The following TMEM131 variants were observed in gnomAD, a reference collection of about 807,000 sequenced individuals.
TMEM131 encodes the protein 2610524E03Rik.
TMEM131 carries 66 observed loss-of-function variants against 211.6 expected under a neutral mutation model. That is an observed-to-expected ratio of 0.31 (90% CI 0.26 to 0.38). TMEM131 has a LOEUF of 0.38. Among genes scored for constraint, TMEM131 ranks in the 10% least tolerant of loss-of-function variants. The pLI is 1.00. For missense variants in TMEM131, 2,036 were observed against 2,299.3 expected (o/e 0.89, Z 2.34); for synonymous variants, 844 against 841.3 (o/e 1.00, Z -0.06).
chr2:97,983,632 G>T (rs1414807517), intron 1 of TMEM131, among the ~76,000 whole-genome samples: 1 of 152,132 alleles, frequency 6.6e-6, no homozygotes, highest in African/African-American at 2.4e-5. Context: ...CCTCCTCCTT[G>T]CTCTTTACCC....
At chr2:97,945,134 A>T (rs1677972628) in intron 1 of TMEM131, among the ~76,000 whole-genome samples, 1 of 152,202 alleles carries the variant, frequency 6.6e-6, no homozygotes, top group Non-Finnish European at 1.5e-5. Context: ...TTTCAGCCAC[A>T]ACAAAAAGGA....
Position 97,771,905 on chromosome 2 carries a change from G to A in TMEM131, c.4448+392C>T, listed in dbSNP as rs543561541. ...GCATGGAACTCTAGATCCCAACTGGGTTAACAATTCGACAGACTCAGAGAT... is the reference window on the plus strand; with the variant it reads ...GCATGGAACTCTAGATCCCAACTGGATTAACAATTCGACAGACTCAGAGAT... On this transcript the variant is annotated intron_variant, in intron 33 of 40. Coordinates refer to ENST00000186436, the MANE Select transcript of TMEM131 (RefSeq NM_015348.2). Among the ~76,000 whole-genome samples the A allele has an allele frequency of 3.9e-5, 6 of 152,324 alleles. No homozygotes were observed. The South Asian group carries it at 1.2e-3, about 32-fold the overall frequency.
At chr2:97,895,360 G>A (rs1055714669) in intron 3 of TMEM131, among the ~76,000 whole-genome samples, 3 of 151,996 alleles carry the variant, frequency 2.0e-5, no homozygotes, top group Admixed American at 6.6e-5. Context: ...GCCAGGTTTT[G>A]GATCAGACGA....
chr2:97,906,336 T>A (rs1391798813), intron 3 of TMEM131, among the ~76,000 whole-genome samples: 2 of 152,218 alleles, frequency 1.3e-5, no homozygotes, highest in African/African-American at 4.8e-5. Flanking sequence ...TTGAATTAAA[T>A]ATTTACCCAA....
intron 18 of TMEM131, among the ~76,000 whole-genome samples, chr2:97,810,252 C>G (rs573575174): frequency 6.6e-6 from 1 of 152,132 alleles, no homozygotes; most frequent in South Asian, 2.1e-4. Context: ...GAGTTAGAAT[C>G]CCATCCCATA....
chr2:97,941,009 T>A (rs1018339622), intron 1 of TMEM131, among the ~76,000 whole-genome samples: 2 of 152,156 alleles, frequency 1.3e-5, no homozygotes, highest in African/African-American at 4.8e-5. Flanking sequence ...AGAACCCACA[T>A]TGCCAAGACA....
At chr2:97,809,867 T>G in intron 18 of TMEM131, 93 bp from the exon 19 acceptor site, 2 of 946,798 alleles carry the variant, frequency 2.1e-6, no homozygotes, top group Non-Finnish European at 3.3e-6. Context: ...AACCTAATTT[T>G]GGGACTAATA....
chr2:97,981,102 A>ATACACTCTT (rs1679778066), intron 1 of TMEM131, among the ~76,000 whole-genome samples: 1 of 149,862 alleles, frequency 6.7e-6, no homozygotes, highest in Admixed American at 6.7e-5. Flanking sequence ...ATCCACACAC[A>ATACACTCTT]TACACTCTTT....
intron 1 of TMEM131, among the ~76,000 whole-genome samples, chr2:97,971,861 T>C (rs922588550): frequency 6.6e-6 from 1 of 151,736 alleles, no homozygotes; most frequent in Non-Finnish European, 1.5e-5. Context: ...GACCCTGTCT[T>C]AAAAAAATAA....
chr2:97,769,859 G>A (rs1341216695), intron 33 of TMEM131, among the ~76,000 whole-genome samples: 3 of 152,118 alleles, frequency 2.0e-5, no homozygotes, highest in Non-Finnish European at 2.9e-5. Flanking sequence ...TGCCACAGCT[G>A]GAAAACACGG....
intron 2 of TMEM131, among the ~76,000 whole-genome samples, chr2:97,917,933 T>C (rs1023853843): frequency 6.6e-6 from 1 of 151,718 alleles, no homozygotes; most frequent in African/African-American, 2.4e-5. Context: ...ATCACATGAT[T>C]GGTTTTTTTC....
At chr2:97,893,832 G>A (rs998522400) in intron 3 of TMEM131, among the ~76,000 whole-genome samples, 33 of 152,036 alleles carry the variant, frequency 2.2e-4, no homozygotes, top group African/African-American at 7.7e-4. Context: ...TAGGCTGCCT[G>A]TTCACTCTGA....
At chr2:97,995,372 CGCCGGAGCCCCG>C in intron 1 of TMEM131, 92 bp downstream of exon 1, 1 of 1,179,178 alleles carries the variant, frequency 8.5e-7, no homozygotes, top group Non-Finnish European at 1.1e-6. Context: ...CCCAACTTTG[CGCCGGAGCCCCG>C]GCCGCGGCCC....
At chr2:97,800,237 T>A (rs918876555) in intron 25 of TMEM131, among the ~76,000 whole-genome samples, 1 of 152,130 alleles carries the variant, frequency 6.6e-6, no homozygotes, top group Non-Finnish European at 1.5e-5. Context: ...ACTGTAGAGA[T>A]GCCTGAGATA....
chr2:97,792,976 GTGTTC>G lies in TMEM131; in HGVS notation c.3549_3553del (p.Leu1183PhefsTer5). ...ACTGTGACCGGGGTCACAGCTGAGT[GTGTTC>G]AAGCTGAAAAAGGGACCAACTGCAG... On this transcript the variant is annotated frameshift_variant, in exon 31 of 41. Coordinates refer to ENST00000186436, the MANE Select transcript of TMEM131 (RefSeq NM_015348.2). LOFTEE classifies it high-confidence loss of function. 1 of 1,561,102 alleles carries G rather than the reference GTGTTC, an allele frequency of 6.4e-7. No individual in the cohort carries two copies. The highest frequency in any genetic ancestry group is 1.9e-5 in the Admixed American group (1 of 52,214).
chr2:97,859,179 A>G, intron 5 of TMEM131, 125 bp downstream of exon 5: 1 of 1,071,358 alleles, frequency 9.3e-7, no homozygotes, highest in Non-Finnish European at 1.3e-6. Context: ...AGGAAGTGAA[A>G]CAAATCTAGG....
chr2:97,888,976 G>T (rs1285823546), intron 3 of TMEM131, among the ~76,000 whole-genome samples: 2 of 152,132 alleles, frequency 1.3e-5, no homozygotes, highest in Admixed American at 6.5e-5. Flanking sequence ...CGTAAGCTTT[G>T]AAATGATATA....
At position 97,860,944 on chromosome 2, in the gene TMEM131, G is replaced by A. The variant is rs764713580; in HGVS notation, c.360-1517C>T. ...CTTTCCCACCTACCCCACTCCACCC[G>A]GCAGCAGCCAAGTGGCACAGAGAGA... On this transcript the variant is annotated intron_variant, in intron 4 of 40. Coordinates refer to ENST00000186436, the MANE Select transcript of TMEM131 (RefSeq NM_015348.2). Among the ~76,000 whole-genome samples, 7 of 152,108 alleles carry A rather than the reference G, an allele frequency of 4.6e-5. 1 individual carries two copies. The highest frequency in any genetic ancestry group is 2.0e-4 in the Admixed American group (3 of 15,272).
At chr2:97,971,118 A>G (rs1489679642) in intron 1 of TMEM131, among the ~76,000 whole-genome samples, 1 of 152,256 alleles carries the variant, frequency 6.6e-6, no homozygotes, top group Non-Finnish European at 1.5e-5. Flanking sequence ...TATGGAAGCA[A>G]AAGTGCTAAC....
Sources: gnomAD v4.1 joint callset for allele counts (sites outside exome capture counted in the v4.1 genomes callset) on GRCh38, gnomAD v4.1.1 for gene constraint, MANE v1.5 for transcripts, NCBI Gene and HGNC (gene_info 2026-07-23, HGNC 2026-07-21) for gene names.